TMTC2: variants seen among roughly 807,000 people sequenced by gnomAD.
The protein encoded by TMTC2 is transmembrane O-mannosyltransferase targeting cadherins 2.
A neutral mutation model predicts 82.4 loss-of-function variants in TMTC2; 43 were observed. That is an observed-to-expected ratio of 0.52 (90% CI 0.41 to 0.67). TMTC2 has a LOEUF of 0.67. TMTC2 is among the 30% of genes least tolerant of loss of function. The probability of loss-of-function intolerance (pLI) is 0.00; values close to 1 mark genes in which losing one functional copy is unlikely to be tolerated. For synonymous variants in TMTC2, 408 were observed against 381.9 expected (o/e 1.07, Z -0.80); for missense variants, 919 against 1,012.4 (o/e 0.91, Z 1.25).
chr12:82,926,638 T>G, intron 3 of TMTC2, among the ~76,000 whole-genome samples: 1 of 152,196 alleles, frequency 6.6e-6, no homozygotes, highest in East Asian at 1.9e-4. Context: ...ATATAAGACT[T>G]TCAAAGCTAG....
At chr12:83,053,728 G>A (rs1673841751) in intron 10 of TMTC2, among the ~76,000 whole-genome samples, 1 of 152,030 alleles carries the variant, frequency 6.6e-6, no homozygotes, top group African/African-American at 2.4e-5. Context: ...TGTAGAATAA[G>A]CTAATATAAA....
intron 11 of TMTC2, among the ~76,000 whole-genome samples, chr12:83,111,304 GCC>G (rs1288887967): frequency 2.6e-5 from 4 of 152,180 alleles, no homozygotes; most frequent in Non-Finnish European, 5.9e-5. Context: ...GTTGTAATGG[GCC>G]ACATAGTAAA....
chr12:83,017,979 T>C (rs1046558915), intron 8 of TMTC2, among the ~76,000 whole-genome samples: 1 of 149,620 alleles, frequency 6.7e-6, no homozygotes, highest in Non-Finnish European at 1.5e-5. Context: ...TAAACCTCTA[T>C]GTTCTTAATA....
rs1218483747 is a variant in TMTC2, at chr12:82,808,137, G to T, written c.84-48873G>T. Among the ~76,000 whole-genome samples, 2 of 151,624 alleles carry T rather than the reference G, an allele frequency of 1.3e-5. 1 individual carries two copies. The highest frequency in any genetic ancestry group is 2.9e-5 in the Non-Finnish European group (2 of 67,842). ...TGGCTGCATCTCTGGGGATTAAAAA[G>T]CAATAGAGAATATTAATATAAGTTG... On this transcript the variant is annotated intron_variant, in intron 1 of 11. Coordinates refer to ENST00000321196, the MANE Select transcript of TMTC2 (RefSeq NM_152588.3).
intron 4 of TMTC2, among the ~76,000 whole-genome samples, chr12:82,954,191 C>T (rs76394428): frequency 0.032 from 4,934 of 152,212 alleles, 95 homozygotes; most frequent in South Asian, 0.052. Context: ...GTGAAAAATG[C>T]TATCCTCTGT....
intron 11 of TMTC2, among the ~76,000 whole-genome samples, chr12:83,086,605 G>T (rs974817595): frequency 5.9e-5 from 9 of 152,120 alleles, no homozygotes; most frequent in African/African-American, 2.2e-4. Context: ...TTCACTTTCA[G>T]ACCACTGCAG....
chr12:83,016,874 T>TTACATAAAAAGCCCCATAAAAA (rs1880703221), intron 8 of TMTC2, among the ~76,000 whole-genome samples: 1 of 152,172 alleles, frequency 6.6e-6, no homozygotes. Flanking sequence ...TAATAGTATT[T>TTACATAAAAAGCCCCATAAAAA]TAGGGCTTTT....
intron 8 of TMTC2, among the ~76,000 whole-genome samples, chr12:82,993,231 C>T (rs1879474042): frequency 1.3e-5 from 2 of 152,160 alleles, no homozygotes; most frequent in South Asian, 4.1e-4. Context: ...GATCTGCCCA[C>T]TTTGGCCTCC....
chr12:82,744,898 A>G (rs777144324), intron 1 of TMTC2, among the ~76,000 whole-genome samples: 1 of 152,200 alleles, frequency 6.6e-6, no homozygotes, highest in African/African-American at 2.4e-5. Flanking sequence ...CTTTCAGAAA[A>G]TAACTTTTCA....
intron 11 of TMTC2, among the ~76,000 whole-genome samples, chr12:83,095,226 T>TTTG (rs1392188371): frequency 3.9e-5 from 5 of 128,164 alleles, no homozygotes; most frequent in African/African-American, 1.1e-4. Context: ...TGGTTTTTTT[T>TTTG]TTTGTTTTTT....
At chr12:83,124,039 A>G (rs1301334569) in intron 11 of TMTC2, among the ~76,000 whole-genome samples, 2 of 152,160 alleles carry the variant, frequency 1.3e-5, no homozygotes, top group Non-Finnish European at 2.9e-5. Flanking sequence ...GTCCTCTTCT[A>G]TACTGCTTAC....
intron 1 of TMTC2, among the ~76,000 whole-genome samples, chr12:82,816,398 G>A (rs12825021): frequency 2.0e-5 from 3 of 151,926 alleles, no homozygotes; most frequent in Non-Finnish European, 4.4e-5. Context: ...CCTCACCCTA[G>A]AAATGGGCTC....
At chr12:83,081,779 C>G (rs971295385) in intron 11 of TMTC2, among the ~76,000 whole-genome samples, 2 of 152,104 alleles carry the variant, frequency 1.3e-5, no homozygotes, top group Non-Finnish European at 2.9e-5. Context: ...TGGCTCATGC[C>G]TATAATCCTA....
intron 8 of TMTC2, among the ~76,000 whole-genome samples, chr12:83,012,933 G>A (rs940263385): frequency 6.6e-6 from 1 of 152,020 alleles, no homozygotes; most frequent in African/African-American, 2.4e-5. Context: ...CTGAAGAATC[G>A]GCTTTACATA....
chr12:82,825,589 T>C (rs1037847922), intron 1 of TMTC2, among the ~76,000 whole-genome samples: 1 of 152,208 alleles, frequency 6.6e-6, no homozygotes, highest in African/African-American at 2.4e-5. Flanking sequence ...AGTACGTCTA[T>C]TATTTCCACA....
intron 11 of TMTC2, among the ~76,000 whole-genome samples, chr12:83,111,195 G>A (rs1219004791): frequency 6.6e-6 from 1 of 152,186 alleles, no homozygotes; most frequent in Non-Finnish European, 1.5e-5. Context: ...TGCACTTTGT[G>A]CAACTCACTT....
chr12:82,734,450 G>A (rs1874985809), intron 1 of TMTC2, among the ~76,000 whole-genome samples: 1 of 152,168 alleles, frequency 6.6e-6, no homozygotes, highest in South Asian at 2.1e-4. Context: ...TCCTACTCAA[G>A]TGCCAACCCT....
intron 11 of TMTC2, among the ~76,000 whole-genome samples, chr12:83,085,004 A>G (rs1422710179): frequency 6.6e-6 from 1 of 152,138 alleles, no homozygotes; most frequent in Non-Finnish European, 1.5e-5. Context: ...TCGTGGATCT[A>G]TTGGGTAAGT....
At position 83,133,694 on chromosome 12, in the gene TMTC2, A is replaced by G. The variant is rs1437270246; in HGVS notation, c.*1305A>G. On this transcript the variant is annotated 3_prime_UTR_variant, in exon 12 of 12. Coordinates refer to ENST00000321196, the MANE Select transcript of TMTC2 (RefSeq NM_152588.3). ...AAAAAGACTATAAATTAAGTAGAGA[A>G]CAACATTTTTATTGAACATTTTTGG... is the stretch of plus-strand genomic sequence containing the variant. 1 of 152,254 alleles carries G rather than the reference A, an allele frequency of 6.6e-6. No individual in the cohort carries two copies. The allele number at this position is 152,254 out of a possible 1,614,324, so 9.4% of individuals were successfully genotyped here. A position where few individuals can be genotyped will look rare whatever the true frequency, so the allele number is the denominator to read the frequency against.
Sources: allele counts gnomAD v4.1 joint callset (sites outside exome capture counted in the v4.1 genomes callset), GRCh38; gene constraint gnomAD v4.1.1; transcripts MANE v1.5; gene names NCBI Gene and HGNC (gene_info 2026-07-23, HGNC 2026-07-21).